SSTR2: variants seen among roughly 807,000 people sequenced by gnomAD.
SSTR2 encodes the protein somatostatin receptor 2, also known as somatostatin receptor type 2.
In SSTR2, 10 loss-of-function variants were observed where a neutral mutation model predicts 21.4. The ratio of observed to expected loss-of-function variants is 0.47; its 90% CI spans 0.29 to 0.79. SSTR2 has a LOEUF of 0.79. SSTR2 is among the 30% of genes least tolerant of loss of function. The pLI, the probability that SSTR2 is intolerant of heterozygous loss-of-function variation, is 0.10. For synonymous variants in SSTR2, 177 were observed against 181.3 expected, an observed-to-expected ratio of 0.98 and a Z score of 0.19; for missense variants, 364 against 468.8, an observed-to-expected ratio of 0.78 and a Z score of 2.06.
At chr17:73,166,317 G>A (rs1012163515) in intron 1 of SSTR2, among the ~76,000 whole-genome samples, 1 of 152,222 alleles carries the variant, frequency 6.6e-6, no homozygotes, top group Non-Finnish European at 1.5e-5. Flanking sequence ...GGGGTGGGAA[G>A]TGAATGCGGG....
chr17:73,170,318 C>T lies in SSTR2; in HGVS notation c.999C>T (p.Ser333=), dbSNP rs749097808. The change falls in exon 2 of 2, where the codon AGC becomes AGT. Residue 333 remains serine (S), a synonymous_variant. Coordinates refer to ENST00000357585, the MANE Select transcript of SSTR2 (RefSeq NM_001050.3). The part of the protein sequence containing the change: ...FQNVLCLVKV[S]GTDDGERSDS... ...ATGTCCTCTGCTTGGTCAAGGTGAG[C>T]GGCACAGATGATGGGGAGCGGAGTG... 9.9e-6 allele frequency: 16 copies of T among 1,613,774 alleles called. No individual in the cohort carries two copies. Among genetic ancestry groups the T allele is most frequent in the Admixed American group, 5.0e-5 (3 of 59,962 alleles).
rs368238588 is a variant in SSTR2 at position 73,169,814 on chromosome 17, T to C, written c.495T>C (p.Ala165=). 2.5e-6 allele frequency: 4 copies of C among 1,614,040 alleles called. No individual in the cohort carries two copies. Among genetic ancestry groups the C allele is most frequent in the African/African-American group, 2.7e-5 (2 of 74,916 alleles). The change falls in exon 2 of 2, where the codon GCT becomes GCC. Residue 165 remains alanine (A), a synonymous_variant. Transcript: ENST00000357585. This position sits in a 1 kb window ranked among gnomAD's most constrained non-coding sequence, Gnocchi z 5.2. ...RPRTAKMITM[A]VWGVSLLVIL... ...GGACGGCCAAGATGATCACCATGGC[T>C]GTGTGGGGAGTCTCTCTGCTGGTCA...
At chr17:73,168,862 G>C (rs1239415103) in intron 1 of SSTR2, among the ~76,000 whole-genome samples, 1 of 152,200 alleles carries the variant, frequency 6.6e-6, no homozygotes, top group African/African-American at 2.4e-5. Context: ...TGGTAGGGAA[G>C]AGGCCAGGAA....
rs1199272861 is a variant in SSTR2 at position 73,170,770 on chromosome 17, T to C, written c.*341T>C. ...TGTGTATTGAAAACTCAATATGTAATCTTGTGTTTTTATATGTATACTTGT... is the reference window on the plus strand; with the variant it reads ...TGTGTATTGAAAACTCAATATGTAACCTTGTGTTTTTATATGTATACTTGT... On this transcript the variant is annotated 3_prime_UTR_variant, in exon 2 of 2. Coordinates refer to ENST00000357585, the MANE Select transcript of SSTR2 (RefSeq NM_001050.3). 1 of 499,000 alleles carries C rather than the reference T, an allele frequency of 2.0e-6. No individual in the cohort carries two copies. The highest frequency in any genetic ancestry group is 1.5e-5 in the South Asian group (1 of 64,684). 30.9% of individuals were successfully genotyped at this position (499,000 alleles called of 1,614,324 possible). A position where few individuals can be genotyped will look rare whatever the true frequency, so the allele number is the denominator to read the frequency against.
intron 1 of SSTR2, 44 bp downstream of exon 1, chr17:73,165,332 GTGTGA>G (rs1488076451): frequency 6.6e-6 from 1 of 150,944 alleles, no homozygotes; most frequent in African/African-American, 2.5e-5. Flanking sequence ...GTGTGTGTGT[GTGTGA>G]TAAGAGAGAT....
chr17:73,169,499 C>A lies in SSTR2; in HGVS notation c.180C>A (p.Gly60=), dbSNP rs1319587176. The change falls in exon 2 of 2, where the codon GGC becomes GGA. Residue 60 remains glycine, a synonymous_variant. Transcript: ENST00000357585. This position sits in a 1 kb window ranked among gnomAD's most constrained non-coding sequence, Gnocchi z 5.2. ...YFVVCIIGLC[G]NTLVIYVILR... is the part of the protein sequence containing the mutation. ...TGGTCTGCATCATTGGGTTGTGTGGCAACACACTTGTCATTTATGTCATCC... is the reference window on the plus strand; with the variant it reads ...TGGTCTGCATCATTGGGTTGTGTGGAAACACACTTGTCATTTATGTCATCC... 7 of 1,614,142 alleles carry A rather than the reference C, an allele frequency of 4.3e-6. No individual in the cohort carries two copies. The highest frequency in any genetic ancestry group is 5.9e-6 in the Non-Finnish European group (7 of 1,180,060).
Position 73,169,790 on chromosome 17 carries a change from G to C in SSTR2, c.471G>C (p.Arg157=). 1 of 1,614,210 alleles carries C rather than the reference G, an allele frequency of 6.2e-7. No homozygotes were observed. The highest frequency in any genetic ancestry group is 1.1e-5 in the South Asian group (1 of 91,074). The change falls in exon 2 of 2, where the codon CGG becomes CGC. Residue 157 remains arginine, a synonymous_variant. Coordinates refer to ENST00000357585, the MANE Select transcript of SSTR2 (RefSeq NM_001050.3). The surrounding 1 kb of genome is among the most constrained non-coding windows in gnomAD (Gnocchi z 5.2). ...AGTCGGCCAAGTGGAGGAGACCCCGGACGGCCAAGATGATCACCATGGCTG... is the reference window on the plus strand; with the variant it reads ...AGTCGGCCAAGTGGAGGAGACCCCGCACGGCCAAGATGATCACCATGGCTG... ...PIKSAKWRRP[R]TAKMITMAVW...
intron 1 of SSTR2, among the ~76,000 whole-genome samples, 184 bp downstream of exon 1, chr17:73,165,472 G>T (rs2061213069): frequency 6.6e-6 from 1 of 152,102 alleles, no homozygotes; most frequent in African/African-American, 2.4e-5. Context: ...TGGGGTGATT[G>T]TAGTAGGAAT....
Position 73,169,403 on chromosome 17 carries a change from C to G in SSTR2, c.84C>G (p.Thr28=). 1 of 1,614,214 alleles carries G rather than the reference C, an allele frequency of 6.2e-7. No homozygotes were observed. The highest frequency in any genetic ancestry group is 1.7e-5 in the Admixed American group (1 of 60,028). The change falls in exon 2 of 2, where the codon ACC becomes ACG. Residue 28 remains threonine, a synonymous_variant. Transcript: ENST00000357585. The surrounding 1 kb of genome is among the most constrained non-coding windows in gnomAD (Gnocchi z 5.2). ...PFDLNGSVVS[T]NTSNQTEPYY... ...ACCTCAATGGCTCTGTGGTGTCAACCAACACCTCAAACCAGACAGAGCCGT... is the reference window on the plus strand; with the variant it reads ...ACCTCAATGGCTCTGTGGTGTCAACGAACACCTCAAACCAGACAGAGCCGT...
In SSTR2 at chr17:73,175,552, C is replaced by A. The variant is rs1050296006; in HGVS notation, c.*5123C>A. ...TCAGGTGATCCGCCTGCCTCAGTGT[C>A]CCAAAGTGTTGGGATTACAGGCACG... On this transcript the variant is annotated 3_prime_UTR_variant, in exon 2 of 2. Transcript: ENST00000357585. 6.6e-6 allele frequency: 1 copy of A among 152,220 alleles called. No homozygotes were observed. The highest frequency in any genetic ancestry group is 1.5e-5 in the Non-Finnish European group (1 of 68,072). 9.4% of individuals were successfully genotyped at this position (152,220 alleles called of 1,614,324 possible). A position where few individuals can be genotyped will look rare whatever the true frequency, so the allele number is the denominator to read the frequency against.
At position 73,172,053 on chromosome 17, in the gene SSTR2, G is replaced by C. The variant is rs1218480566; in HGVS notation, c.*1624G>C. 6.6e-6 allele frequency: 1 copy of C among 152,048 alleles called. No individual in the cohort carries two copies. Among genetic ancestry groups the C allele is most frequent in the East Asian group, 1.9e-4 (1 of 5,172 alleles). 9.4% of individuals were successfully genotyped at this position (152,048 alleles called of 1,614,324 possible). Reference sequence around the variant, plus strand: ...GAATATGCAGCGTGCAGGGGGTGTGGTGTGAGTGTTGGTGGGGCCCCACCT... The same window carrying C: ...GAATATGCAGCGTGCAGGGGGTGTGCTGTGAGTGTTGGTGGGGCCCCACCT... On this transcript the variant is annotated 3_prime_UTR_variant, in exon 2 of 2. Coordinates refer to ENST00000357585, the MANE Select transcript of SSTR2 (RefSeq NM_001050.3).
In SSTR2 at chr17:73,170,213, G is replaced by A; in HGVS notation, c.894G>A (p.Val298=). ...PALKGMFDFV[V]VLTYANSCAN... ...TTAAAGGCATGTTTGACTTTGTGGT[G>A]GTCCTCACCTATGCTAACAGCTGTG... Residue 298 remains valine, a synonymous_variant, in exon 2 of 2, where the codon GTG becomes GTA. Transcript: ENST00000357585. 1 of 1,614,082 alleles carries A rather than the reference G, an allele frequency of 6.2e-7. No homozygotes were observed. Among genetic ancestry groups the A allele is most frequent in the South Asian group, 1.1e-5 (1 of 91,080 alleles).
In SSTR2 at chr17:73,169,502, C is replaced by G; in HGVS notation, c.183C>G (p.Asn61Lys). Residue 61 changes from asparagine (N) to lysine (K), a missense_variant, in exon 2 of 2, where the codon AAC becomes AAG. Asn to Lys is a moderately conservative substitution (Grantham distance 94). Around this residue, in one of 4 missense-constraint regions of SSTR2, gnomAD observed 75 missense variants for 75.4 expected, o/e 0.99. Transcript: ENST00000357585. This position sits in a 1 kb window ranked among gnomAD's most constrained non-coding sequence, Gnocchi z 5.2. The part of the protein sequence containing the change: ...FVVCIIGLCG[N>K]TLVIYVILRY... ...TCTGCATCATTGGGTTGTGTGGCAA[C>G]ACACTTGTCATTTATGTCATCCTCC... 6.2e-7 allele frequency: 1 copy of G among 1,614,266 alleles called. No individual in the cohort carries two copies. Among genetic ancestry groups the G allele is most frequent in the Non-Finnish European group, 8.5e-7 (1 of 1,180,052 alleles).
rs2061234552 is a variant in SSTR2 at position 73,171,382 on chromosome 17, G to GGA, written c.*953_*954insGA. 1 of 166,696 alleles carries GGA rather than the reference G, an allele frequency of 6.0e-6. No homozygotes were observed. Among genetic ancestry groups the GGA allele is most frequent in the African/African-American group, 2.4e-5 (1 of 41,372 alleles). 10.3% of individuals were successfully genotyped at this position (166,696 alleles called of 1,614,324 possible). On this transcript the variant is annotated 3_prime_UTR_variant, in exon 2 of 2. Coordinates refer to ENST00000357585, the MANE Select transcript of SSTR2 (RefSeq NM_001050.3). Reference sequence around the variant, plus strand: ...GTTTTTCTTAGGGAGCTATGAGGGGGAAAAATCACTAACATGAAAGGCAAA... The same window carrying GGA: ...GTTTTTCTTAGGGAGCTATGAGGGGGGAAAAAATCACTAACATGAAAGGCAAA...
rs574221547 is a variant in SSTR2, at chr17:73,170,771, C to A, written c.*342C>A. Reference sequence around the variant, plus strand: ...GTGTATTGAAAACTCAATATGTAATCTTGTGTTTTTATATGTATACTTGTA... The same window carrying A: ...GTGTATTGAAAACTCAATATGTAATATTGTGTTTTTATATGTATACTTGTA... On this transcript the variant is annotated 3_prime_UTR_variant, in exon 2 of 2. Transcript: ENST00000357585. 126 of 498,214 alleles carry A rather than the reference C, an allele frequency of 2.5e-4. 1 individual carries two copies. In the Middle Eastern group the frequency reaches 3.9e-3, roughly 15 times the overall value. 30.9% of individuals were successfully genotyped at this position (498,214 alleles called of 1,614,324 possible).
chr17:73,167,414 T>G (rs1165224090), intron 1 of SSTR2, among the ~76,000 whole-genome samples: 1 of 152,150 alleles, frequency 6.6e-6, no homozygotes, highest in Admixed American at 6.5e-5. Context: ...CAAGTACTTG[T>G]TGCTGGCCAA....
At position 73,169,293 on chromosome 17, in the gene SSTR2, G is replaced by C. The variant is rs2061225884; in HGVS notation, c.-27G>C. On this transcript the variant is annotated 5_prime_UTR_variant, in exon 2 of 2. Transcript: ENST00000357585. The surrounding 1 kb of genome is among the most constrained non-coding windows in gnomAD (Gnocchi z 5.2). ...GAGAATAAGATCTCTGGGCTGGCTG[G>C]AACTAGCCTAAGACTGAAAAGCAGC... 6.3e-7 allele frequency: 1 copy of C among 1,599,774 alleles called. No homozygotes were observed. Among genetic ancestry groups the C allele is most frequent in the Non-Finnish European group, 8.5e-7 (1 of 1,172,592 alleles).
At position 73,172,684 on chromosome 17, in the gene SSTR2, A is replaced by G. The variant is rs191230650; in HGVS notation, c.*2255A>G. ...AAATCCCACACCATTAGTAAAAGTAAGGTCAACTGTAAGTTCAGCTCAGGG... is the reference window on the plus strand; with the variant it reads ...AAATCCCACACCATTAGTAAAAGTAGGGTCAACTGTAAGTTCAGCTCAGGG... On this transcript the variant is annotated 3_prime_UTR_variant, in exon 2 of 2. Coordinates refer to ENST00000357585, the MANE Select transcript of SSTR2 (RefSeq NM_001050.3). The G allele has an allele frequency of 6.6e-6, 1 of 152,370 alleles. No homozygotes were observed. The highest frequency in any genetic ancestry group is 6.5e-5 in the Admixed American group (1 of 15,312). 9.4% of individuals were successfully genotyped at this position (152,370 alleles called of 1,614,324 possible). A position where few individuals can be genotyped will look rare whatever the true frequency, so the allele number is the denominator to read the frequency against.
chr17:73,168,282 G>A (rs1376040134), intron 1 of SSTR2: 1 of 152,234 alleles, frequency 6.6e-6, no homozygotes, highest in Non-Finnish European at 1.5e-5. Flanking sequence ...GCTTACTTCT[G>A]TGAAAGAGCT....
Sources: allele counts gnomAD v4.1 joint callset (sites outside exome capture counted in the v4.1 genomes callset), GRCh38; gene constraint gnomAD v4.1.1; regional missense constraint gnomAD v4.1.1; non-coding constraint Gnocchi (gnomAD v3.1); transcripts MANE v1.5; gene names NCBI Gene and HGNC (gene_info 2026-07-23, HGNC 2026-07-21).